The following PKD2L2 variants were observed in gnomAD, a reference collection of about 807,000 sequenced individuals.
The protein encoded by PKD2L2 is polycystin 2 like 2, transient receptor potential cation channel, also known as polycystin-2-like protein 2.
In PKD2L2, 67 loss-of-function variants were observed where a neutral mutation model predicts 83.9. The ratio of observed to expected loss-of-function variants is 0.80; its 90% CI spans 0.66 to 0.98. The LOEUF (loss-of-function observed/expected upper bound fraction) is 0.98, where lower values mean the gene tolerates loss of function less well. Ranked by LOEUF, PKD2L2 falls within the 50% of genes least tolerant of loss-of-function variation. The probability of loss-of-function intolerance (pLI) is 0.00; values close to 1 mark genes in which losing one functional copy is unlikely to be tolerated. For missense variants in PKD2L2, 632 were observed against 717.2 expected (o/e 0.88, Z 1.36); for synonymous variants, 223 against 237.8 (o/e 0.94, Z 0.57).
intron 4 of PKD2L2, among the ~76,000 whole-genome samples, chr5:137,897,236 C>G (rs890447710): frequency 7.3e-5 from 11 of 151,534 alleles, no homozygotes; most frequent in Non-Finnish European, 1.2e-4. Flanking sequence ...TTTGTGTTTT[C>G]TGCAGAAATG....
intron 14 of PKD2L2, among the ~76,000 whole-genome samples, chr5:137,937,488 T>C (rs535030244): frequency 6.6e-6 from 1 of 152,354 alleles, no homozygotes; most frequent in African/African-American, 2.4e-5. Flanking sequence ...GAAACTCTTC[T>C]AATTTTTCTA....
At chr5:137,914,105 G>A (rs1033926573) in intron 8 of PKD2L2, among the ~76,000 whole-genome samples, 4 of 136,388 alleles carry the variant, frequency 2.9e-5, no homozygotes, top group Non-Finnish European at 4.5e-5. Context: ...TGCCAGGCTG[G>A]TCACGAACTC....
chr5:137,896,901 A>T (rs1756517157), intron 4 of PKD2L2, among the ~76,000 whole-genome samples: 2 of 149,044 alleles, frequency 1.3e-5, no homozygotes, highest in South Asian at 2.1e-4. Context: ...ACCTGTCTTG[A>T]ACTCCCAGGA....
intron 12 of PKD2L2, among the ~76,000 whole-genome samples, chr5:137,930,972 G>A (rs1203107442): frequency 6.6e-6 from 1 of 152,064 alleles, no homozygotes; most frequent in Non-Finnish European, 1.5e-5. Context: ...TAGGTAACTA[G>A]TGGAATAAAG....
chr5:137,929,857 C>G (rs957466882), intron 12 of PKD2L2, among the ~76,000 whole-genome samples: 1 of 151,930 alleles, frequency 6.6e-6, no homozygotes, highest in Admixed American at 6.6e-5. Context: ...AATATAAAAG[C>G]ATGATCAAAG....
intron 8 of PKD2L2, among the ~76,000 whole-genome samples, chr5:137,914,187 C>A (rs1441334733): frequency 6.6e-6 from 1 of 151,630 alleles, no homozygotes; most frequent in Non-Finnish European, 1.5e-5. Context: ...ACCAACCCAG[C>A]CTGAAATTGC....
intron 5 of PKD2L2, among the ~76,000 whole-genome samples, chr5:137,902,246 G>A (rs1757022834): frequency 4.0e-5 from 6 of 151,852 alleles, no homozygotes; most frequent in Admixed American, 3.9e-4. Context: ...AGAAACTAAA[G>A]CAAAGGGTTG....
At chr5:137,935,374 T>A (rs190891777) in intron 12 of PKD2L2, among the ~76,000 whole-genome samples, 25 of 152,278 alleles carry the variant, frequency 1.6e-4, no homozygotes, top group Admixed American at 1.6e-3. Context: ...GGTTTTGAAG[T>A]CATCTGACTG....
intron 14 of PKD2L2, chr5:137,939,877 T>C (rs567853011): frequency 5.3e-6 from 7 of 1,332,652 alleles, no homozygotes; most frequent in East Asian, 5.7e-5. Flanking sequence ...AAACAAAAAG[T>C]TGGTAATAAC....
intron 8 of PKD2L2, among the ~76,000 whole-genome samples, chr5:137,916,296 T>C (rs1580949983): frequency 6.6e-6 from 1 of 151,688 alleles, no homozygotes; most frequent in South Asian, 2.1e-4. Flanking sequence ...CTGCCTCAGT[T>C]TCCCAAGTAG....
Position 137,894,495 on chromosome 5 carries a change from G to C in PKD2L2, c.410G>C (p.Arg137Pro). Reference protein sequence around the residue: ...GVPRVRQLKVRNNTCKVYSSF... With the variant: ...GVPRVRQLKVPNNTCKVYSSF... Reference sequence around the variant, plus strand: ...CCCAGAGTTCGTCAACTAAAAGTCCGCAACAACACATGCAAAGTCTATTCA... The same window carrying C: ...CCCAGAGTTCGTCAACTAAAAGTCCCCAACAACACATGCAAAGTCTATTCA... The change falls in exon 4 of 15, where the codon CGC becomes CCC. Residue 137 changes from arginine (R) to proline (P), a missense_variant. Around this residue, in one of 3 missense-constraint regions of PKD2L2, gnomAD observed 229 missense variants for 281.5 expected, o/e 0.81. Transcript: ENST00000508883. 1 of 1,613,776 alleles carries C rather than the reference G, an allele frequency of 6.2e-7. No individual in the cohort carries two copies. Among genetic ancestry groups the C allele is most frequent in the Non-Finnish European group, 8.5e-7 (1 of 1,179,774 alleles).
chr5:137,895,697 G>C (rs190063902), intron 4 of PKD2L2, among the ~76,000 whole-genome samples: 1 of 152,028 alleles, frequency 6.6e-6, no homozygotes, highest in Non-Finnish European at 1.5e-5. Context: ...GGCCAACATG[G>C]TGAAACCCCA....
At chr5:137,914,771 A>T (rs551740995) in intron 8 of PKD2L2, among the ~76,000 whole-genome samples, 26 of 152,352 alleles carry the variant, frequency 1.7e-4, no homozygotes, top group Admixed American at 9.1e-4. Context: ...GGTCTCAGAT[A>T]TAATGGCCTT....
At chr5:137,938,102 T>C (rs1760679505) in intron 14 of PKD2L2, 1 of 152,324 alleles carries the variant, frequency 6.6e-6, no homozygotes, top group South Asian at 2.1e-4. Flanking sequence ...AGTAAAACTA[T>C]CACCAACTGC....
intron 8 of PKD2L2, among the ~76,000 whole-genome samples, chr5:137,917,107 G>A (rs1758431911): frequency 6.7e-6 from 1 of 149,636 alleles, no homozygotes; most frequent in Non-Finnish European, 1.5e-5. Context: ...TCCATAATGT[G>A]TATGTTGGTC....
At chr5:137,924,537 A>C (rs1314199253) in intron 10 of PKD2L2, among the ~76,000 whole-genome samples, 2 of 152,166 alleles carry the variant, frequency 1.3e-5, no homozygotes, top group African/African-American at 2.4e-5. Context: ...CTCCCCTGCC[A>C]GTTTGGCCAT....
intron 8 of PKD2L2, among the ~76,000 whole-genome samples, chr5:137,910,569 T>C (rs572118447): frequency 3.7e-4 from 56 of 151,376 alleles, no homozygotes; most frequent in Admixed American, 7.9e-4. Context: ...GGTCAGGAGC[T>C]CAAGACCAGC....
intron 4 of PKD2L2, 37 bp downstream of exon 4, chr5:137,894,646 CATTT>C (rs1561674418): frequency 6.6e-7 from 1 of 1,516,880 alleles, no homozygotes; most frequent in Non-Finnish European, 9.1e-7. Context: ...CTTTTTCTAG[CATTT>C]ACTGTTGTAT....
intron 8 of PKD2L2, among the ~76,000 whole-genome samples, chr5:137,912,859 C>T (rs1430633009): frequency 7.3e-6 from 1 of 137,008 alleles, no homozygotes; most frequent in African/African-American, 2.7e-5. Flanking sequence ...GGCTGGAGCG[C>T]AATGGTGTGA....
Sources: allele counts gnomAD v4.1 joint callset (sites outside exome capture counted in the v4.1 genomes callset), GRCh38; gene constraint gnomAD v4.1.1; regional missense constraint gnomAD v4.1.1; transcripts MANE v1.5; gene names NCBI Gene and HGNC (gene_info 2026-07-23, HGNC 2026-07-21).